CACNA1H: variants seen among roughly 807,000 people sequenced by gnomAD.
The protein encoded by CACNA1H is calcium voltage-gated channel subunit alpha1 H.
A neutral mutation model predicts 192.5 loss-of-function variants in CACNA1H; 149 were observed. The ratio of observed to expected loss-of-function variants is 0.77; its 90% CI spans 0.68 to 0.89. CACNA1H has a LOEUF of 0.89. Among genes scored for constraint, CACNA1H ranks in the 40% least tolerant of loss-of-function variants. CACNA1H has a pLI of 0.00. For synonymous variants in CACNA1H, 2,202 were observed against 1,475.2 expected, an observed-to-expected ratio of 1.49 and a Z score of -11.29; for missense variants, 4,257 against 3,423.5, an observed-to-expected ratio of 1.24 and a Z score of -6.08.
chr16:1,185,275 C>G (rs1357959352), intron 2 of CACNA1H, among the ~76,000 whole-genome samples: 9 of 152,212 alleles, frequency 5.9e-5, no homozygotes, highest in Admixed American at 5.9e-4. Context: ...AGGGCTGTTT[C>G]CATCACAGGC....
At position 1,210,350 on chromosome 16, in the gene CACNA1H, A is replaced by ACCCC; in HGVS notation, c.3846-17_3846-16insCCCC. ...TCCACGCCGCCCCGCCCCACCTCTCACCCGCCCCCGCCCACCCAGGTTCCG... is the reference window on the plus strand; with the variant it reads ...TCCACGCCGCCCCGCCCCACCTCTCACCCCCCCGCCCCCGCCCACCCAGGTTCCG... On this transcript the variant is annotated intron_variant, in intron 18 of 34. Transcript: ENST00000348261. 2.5e-5 allele frequency: 8 copies of ACCCC among 313,938 alleles called. No individual in the cohort carries two copies. The highest frequency in any genetic ancestry group is 8.2e-5 in the Admixed American group (1 of 12,266). 19.4% of individuals were successfully genotyped at this position (313,938 alleles called of 1,614,324 possible).
chr16:1,154,177 G>A, intron 2 of CACNA1H, 141 bp downstream of exon 2: 1 of 545,476 alleles, frequency 1.8e-6, no homozygotes, highest in Non-Finnish European at 2.7e-6. Flanking sequence ...GGGGGTGCAG[G>A]GCAGGGGCTG....
At chr16:1,154,550 C>T (rs144026727) in intron 2 of CACNA1H, among the ~76,000 whole-genome samples, 1 of 152,030 alleles carries the variant, frequency 6.6e-6, no homozygotes, top group South Asian at 2.1e-4. Flanking sequence ...CTGTGAGCGC[C>T]GCCAGGGCCT....
In CACNA1H at chr16:1,212,525, CCAG is replaced by C. The variant is rs1222981656; in HGVS notation, c.4775_4777del (p.Pro1592_Glu1593delinsGln). On this transcript the variant is annotated inframe_deletion and splice_region_variant, in exon 26 of 35. Transcript: ENST00000348261. The stretch of plus-strand genomic sequence containing the variant: ...TGTCTTTCCAGGCACTTTCCCCAGC[CCAG>C]GTACCGGCCCTGTCCCGCATGCCTC... 1 of 1,611,078 alleles carries C rather than the reference CCAG, an allele frequency of 6.2e-7. No individual in the cohort carries two copies. Among genetic ancestry groups the C allele is most frequent in the East Asian group, 2.2e-5 (1 of 44,768 alleles).
chr16:1,187,540 G>A (rs1332022195), intron 2 of CACNA1H, among the ~76,000 whole-genome samples: 1 of 152,248 alleles, frequency 6.6e-6, no homozygotes, highest in Non-Finnish European at 1.5e-5. Flanking sequence ...GGCTCAGCTG[G>A]CTGAGCAGAT....
At chr16:1,199,912 G>A (rs1967606557) in intron 6 of CACNA1H, among the ~76,000 whole-genome samples, 2 of 151,964 alleles carry the variant, frequency 1.3e-5, no homozygotes, top group Non-Finnish European at 2.9e-5. Context: ...TGGCTCTTGG[G>A]TCTCCCTCCC....
chr16:1,183,581 G>T lies in CACNA1H; in HGVS notation c.300-11391G>T, dbSNP rs188087541. 3.6e-4 allele frequency among the ~76,000 whole-genome samples: 55 copies of T among 152,332 alleles called. No individual in the cohort carries two copies. In the East Asian group the frequency reaches 9.3e-3, roughly 26 times the overall value. ...CAGTTCCCTCCCGCTAAGAGGCCCC[G>T]CTGGAGAACAGGACACGTGCCTGTC... On this transcript the variant is annotated intron_variant, in intron 2 of 34. Transcript: ENST00000348261.
Position 1,198,789 on chromosome 16 carries a change from C to G in CACNA1H, c.803+15C>G. On this transcript the variant is annotated intron_variant, in intron 6 of 34. Transcript: ENST00000348261. ...GCCTTTGTCAGGTGCCCAGGCCCCA[C>G]CCCCGTGAGGCCCCTGCCCAGATGG... The G allele has an allele frequency of 6.2e-7, 1 of 1,602,850 alleles. No homozygotes were observed.
intron 2 of CACNA1H, among the ~76,000 whole-genome samples, chr16:1,161,515 G>A (rs901969541): frequency 1.3e-5 from 2 of 152,172 alleles, no homozygotes; most frequent in African/African-American, 4.8e-5. Context: ...TAAAGACTCA[G>A]CCTCAACTGG....
chr16:1,197,759 T>G (rs1387225608), intron 5 of CACNA1H, among the ~76,000 whole-genome samples: 1 of 152,188 alleles, frequency 6.6e-6, no homozygotes, highest in Non-Finnish European at 1.5e-5. Context: ...TACCCCTGGG[T>G]GCTGGGTGAG....
At chr16:1,218,165 C>A in intron 32 of CACNA1H, 45 bp from the exon 33 acceptor site, 1 of 1,535,506 alleles carries the variant, frequency 6.5e-7, no homozygotes. Flanking sequence ...GGGTGGCACC[C>A]GCGGGTGGGT....
chr16:1,213,843 G>T lies in CACNA1H; in HGVS notation c.4841G>T (p.Cys1614Phe), dbSNP rs1428032123. ...SPTRRSIHSL[C>F]TSHYLDLFIT... ...ACGCGCCGCTCCATTCACTCGCTGT[G>T]CACCAGCCACTATCTCGACCTCTTC... is the stretch of plus-strand genomic sequence containing the variant. Residue 1614 changes from cysteine (C) to phenylalanine (F), a missense_variant, in exon 27 of 35, where the codon TGC becomes TTC. Physicochemically the swap from Cys to Phe is radical, Grantham distance 205. Transcript: ENST00000348261. The T allele has an allele frequency of 1.9e-6, 3 of 1,600,250 alleles. No homozygotes were observed. Among genetic ancestry groups the T allele is most frequent in the Non-Finnish European group, 2.6e-6 (3 of 1,174,752 alleles).
rs749522691 is a variant in CACNA1H at position 1,215,046 on chromosome 16, G to T, written c.5004G>T (p.Leu1668=). The T allele has an allele frequency of 1.2e-6, 2 of 1,613,016 alleles. No individual in the cohort carries two copies. The highest frequency in any genetic ancestry group is 1.7e-5 in the Admixed American group (1 of 59,924). The change falls in exon 28 of 35, where the codon CTG becomes CTT. Residue 1668 remains leucine, a synonymous_variant. Transcript: ENST00000348261. ...TTGTCTTCGAGGCTGCACTGAAGCT[G>T]GTAGCATTTGGGTTCCGTCGGTTCT... ...IVFVFEAALK[L]VAFGFRRFFK...
intron 2 of CACNA1H, among the ~76,000 whole-genome samples, chr16:1,181,419 G>C (rs1965452667): frequency 6.6e-6 from 1 of 152,256 alleles, no homozygotes; most frequent in Non-Finnish European, 1.5e-5. Context: ...TCGGCCAGGA[G>C]AGTCTGGGGG....
intron 2 of CACNA1H, among the ~76,000 whole-genome samples, chr16:1,165,249 A>G (rs929897782): frequency 3.3e-5 from 5 of 152,158 alleles, no homozygotes; most frequent in Admixed American, 6.5e-5. Context: ...AACATTCTAG[A>G]AGCCAGATGT....
chr16:1,202,185 G>C lies in CACNA1H; in HGVS notation c.1735G>C (p.Asp579His). ...AESVHSIYHA[D>H]CHIEGPQERA... ...GTCTGTGCACAGCATCTACCATGCCGACTGCCACATAGAGGGGCCGCAGGA... is the reference window on the plus strand; with the variant it reads ...GTCTGTGCACAGCATCTACCATGCCCACTGCCACATAGAGGGGCCGCAGGA... Residue 579 changes from aspartate (D) to histidine (H), a missense_variant, in exon 9 of 35, where the codon GAC becomes CAC. Asp to His is a moderately conservative substitution (Grantham distance 81). Coordinates refer to ENST00000348261, the MANE Select transcript of CACNA1H (RefSeq NM_021098.3). 6.4e-7 allele frequency: 1 copy of C among 1,552,620 alleles called. No homozygotes were observed. The highest frequency in any genetic ancestry group is 8.7e-7 in the Non-Finnish European group (1 of 1,148,972).
chr16:1,157,475 CA>C (rs985980620), intron 2 of CACNA1H, among the ~76,000 whole-genome samples: 2 of 152,206 alleles, frequency 1.3e-5, no homozygotes, highest in Non-Finnish European at 2.9e-5. Context: ...CCCTTCATGG[CA>C]TCTCTGAACA....
intron 6 of CACNA1H, among the ~76,000 whole-genome samples, chr16:1,199,896 G>A (rs1448734130): frequency 6.6e-6 from 1 of 152,022 alleles, no homozygotes; most frequent in Admixed American, 6.5e-5. Context: ...TCTGAGCCTG[G>A]GTTTCTGGCT....
chr16:1,176,130 G>C (rs1964863198), intron 2 of CACNA1H, among the ~76,000 whole-genome samples: 2 of 152,236 alleles, frequency 1.3e-5, no homozygotes, highest in Admixed American at 1.3e-4. Context: ...GGCTCAGCTG[G>C]GTTCTAGACT....
Sources: allele counts gnomAD v4.1 joint callset (sites outside exome capture counted in the v4.1 genomes callset), GRCh38; gene constraint gnomAD v4.1.1; transcripts MANE v1.5; gene names NCBI Gene and HGNC (gene_info 2026-07-23, HGNC 2026-07-21).